The following WDFY4 variants were observed in gnomAD, a reference collection of about 807,000 sequenced individuals.
The protein encoded by WDFY4 is WDFY family member 4, also known as WD repeat- and FYVE domain-containing protein 4.
In WDFY4, 169 loss-of-function variants were observed where a neutral mutation model predicts 351.9. That is an observed-to-expected ratio of 0.48 (90% CI 0.42 to 0.55). WDFY4 has a LOEUF of 0.55. Among genes scored for constraint, WDFY4 ranks in the 20% least tolerant of loss-of-function variants. WDFY4 has a pLI of 0.00. For synonymous variants in WDFY4, 1,622 were observed against 1,574.6 expected, an observed-to-expected ratio of 1.03 and a Z score of -0.71; for missense variants, 3,803 against 3,935.6, an observed-to-expected ratio of 0.97 and a Z score of 0.90.
At chr10:48,950,046 C>T (rs1841245940) in intron 51 of WDFY4, among the ~76,000 whole-genome samples, 4 of 152,102 alleles carry the variant, frequency 2.6e-5, no homozygotes, top group Admixed American at 2.0e-4. Context: ...GGAAAATATG[C>T]ATAATAAGAA....
chr10:48,917,985 G>T (rs180800335), intron 47 of WDFY4, among the ~76,000 whole-genome samples: 125 of 152,238 alleles, frequency 8.2e-4, no homozygotes, highest in African/African-American at 2.9e-3. Context: ...TGGTGGTAAG[G>T]GTTTTACACT....
rs575893971 is a variant in WDFY4 at position 48,799,921 on chromosome 10, C to G, written c.4411-3365C>G. ...TTTTTTTTTGAGACAGAGTCTCACT[C>G]TGTTGCCAGACCGGAGTGCAGTGGC... On this transcript the variant is annotated intron_variant, in intron 24 of 61. Coordinates refer to ENST00000325239, the MANE Select transcript of WDFY4 (RefSeq NM_001394531.1). 1.1e-3 allele frequency among the ~76,000 whole-genome samples: 172 copies of G among 152,236 alleles called. 1 individual carries two copies. Among genetic ancestry groups the G allele is most frequent in the African/African-American group, 4.0e-3 (167 of 41,540 alleles).
rs902896450 is a variant in WDFY4 at position 48,790,893 on chromosome 10, G to C, written c.4233G>C (p.Leu1411=). The C allele has an allele frequency of 1.3e-6, 2 of 1,551,630 alleles. No homozygotes were observed. Among genetic ancestry groups the C allele is most frequent in the African/African-American group, 1.4e-5 (1 of 73,044 alleles). ...VLTSNAMCDF[L]MQHICGYQIM... ...CCAGTAATGCCATGTGTGACTTCCT[G>C]ATGCAACACATCTGTGGGTACCAGG... is the stretch of plus-strand genomic sequence containing the variant. The change falls in exon 23 of 62, where the codon CTG becomes CTC. Residue 1411 remains leucine, a synonymous_variant. Coordinates refer to ENST00000325239, the MANE Select transcript of WDFY4 (RefSeq NM_001394531.1).
chr10:48,702,785 A>G (rs908382450), intron 1 of WDFY4, among the ~76,000 whole-genome samples: 4 of 147,124 alleles, frequency 2.7e-5, no homozygotes, highest in Non-Finnish European at 4.6e-5. Context: ...GGTATGTTTA[A>G]CTTTCCCCGA....
At chr10:48,707,900 C>G (rs915136424) in intron 1 of WDFY4, among the ~76,000 whole-genome samples, 1 of 152,114 alleles carries the variant, frequency 6.6e-6, no homozygotes, top group Non-Finnish European at 1.5e-5. Context: ...GGGATGTGAG[C>G]AACTCCACAC....
intron 52 of WDFY4, 96 bp from the exon 53 acceptor site, chr10:48,959,626 C>A: frequency 1.7e-6 from 2 of 1,155,588 alleles, no homozygotes; most frequent in Non-Finnish European, 2.5e-6. Flanking sequence ...CAGACCTACA[C>A]AAAATCAGCA....
intron 1 of WDFY4, among the ~76,000 whole-genome samples, chr10:48,694,653 G>A (rs1416328269): frequency 5.3e-5 from 8 of 152,070 alleles, no homozygotes; most frequent in African/African-American, 1.2e-4. Context: ...CATGTCCATC[G>A]GCTTGCCACT....
rs1367688865 is a variant in WDFY4 at position 48,789,898 on chromosome 10, G to A, written c.3979G>A (p.Ala1327Thr). ...GATGAACATTTCATCCCGTGACAAT[G>A]CCATGCCCGTGTTCTTGCTGAGGAA... ...KEMNISSRDN[A>T]MPVFLLRNCA... The change falls in exon 22 of 62, where the codon GCC becomes ACC. Residue 1327 changes from alanine (A) to threonine (T), a missense_variant. Ala to Thr is a moderately conservative substitution (Grantham distance 58, BLOSUM62 0). Transcript: ENST00000325239. 1 of 1,552,284 alleles carries A rather than the reference G, an allele frequency of 6.4e-7. No individual in the cohort carries two copies. The highest frequency in any genetic ancestry group is 1.4e-5 in the African/African-American group (1 of 73,046).
At position 48,796,384 on chromosome 10, in the gene WDFY4, GC is replaced by G. The variant is rs1434926107; in HGVS notation, c.4345del (p.Leu1449TrpfsTer25). 6.7e-5 allele frequency: 104 copies of G among 1,552,134 alleles called. No homozygotes were observed. The highest frequency in any genetic ancestry group is 8.5e-5 in the Non-Finnish European group (98 of 1,147,144). On this transcript the variant is annotated frameshift_variant, in exon 24 of 62. Coordinates refer to ENST00000325239, the MANE Select transcript of WDFY4 (RefSeq NM_001394531.1). LOFTEE classifies it high-confidence loss of function. ...LILSVAGTVE[L>X]GFRSSAITNT... ...TCCTCTCAGTGGCTGGCACTGTGGA[GC>G]TGGGCTTCAGGTCATCTGCTATCAC...
At chr10:48,790,045 T>G in intron 22 of WDFY4, 60 bp downstream of exon 22, 1 of 1,497,682 alleles carries the variant, frequency 6.7e-7, no homozygotes, top group South Asian at 1.2e-5. Context: ...CTGTCATGGC[T>G]TGTGCACCCT....
chr10:48,959,090 C>T (rs780431800), intron 52 of WDFY4, among the ~76,000 whole-genome samples: 2 of 152,116 alleles, frequency 1.3e-5, no homozygotes, highest in Non-Finnish European at 2.9e-5. Flanking sequence ...TTAAATTTTA[C>T]AGGTGGAAAA....
chr10:48,922,185 G>A (rs550741884), intron 47 of WDFY4, among the ~76,000 whole-genome samples: 2 of 152,308 alleles, frequency 1.3e-5, no homozygotes, highest in Admixed American at 6.5e-5. Flanking sequence ...CCAGAAATAA[G>A]AAATTCATAC....
At chr10:48,787,300 G>T (rs1343865863) in intron 20 of WDFY4, among the ~76,000 whole-genome samples, 1 of 152,182 alleles carries the variant, frequency 6.6e-6, no homozygotes, top group Non-Finnish European at 1.5e-5. Flanking sequence ...AAGTCAAAGG[G>T]GTCAGCTCCC....
chr10:48,896,476 G>C (rs990125234), intron 44 of WDFY4, among the ~76,000 whole-genome samples: 1 of 152,172 alleles, frequency 6.6e-6, no homozygotes, highest in Non-Finnish European at 1.5e-5. Context: ...TCCCTGGTTT[G>C]ACACGAGACA....
chr10:48,790,935 C>T lies in WDFY4; in HGVS notation c.4257+18C>T, dbSNP rs975483882. 1 of 1,551,052 alleles carries T rather than the reference C, an allele frequency of 6.4e-7. No individual in the cohort carries two copies. The highest frequency in any genetic ancestry group is 2.0e-5 in the Admixed American group (1 of 50,978). On this transcript the variant is annotated intron_variant, in intron 23 of 61. Transcript: ENST00000325239. ...GGTACCAGGTAATCCCATCCTCCCA[C>T]CTGGAACTGAGACTCCTGAAAGGGC...
intron 20 of WDFY4, among the ~76,000 whole-genome samples, chr10:48,787,812 CT>C (rs1227042474): frequency 0.065 from 7,279 of 112,392 alleles, 799 homozygotes; most frequent in African/African-American, 0.08. Context: ...TCCTCCTCTT[CT>C]TCTTCTTCTT....
chr10:48,980,773 C>T (rs1031743635), intron 60 of WDFY4, among the ~76,000 whole-genome samples: 8 of 152,134 alleles, frequency 5.3e-5, no homozygotes, highest in African/African-American at 1.9e-4. Context: ...GAAGTGGCCT[C>T]GCAGGGACGT....
At chr10:48,829,834 A>G (rs1385862558) in intron 37 of WDFY4, among the ~76,000 whole-genome samples, 1 of 152,190 alleles carries the variant, frequency 6.6e-6, no homozygotes, top group Admixed American at 6.5e-5. Context: ...CCTAGGCAAC[A>G]AGAGTAAAAC....
At chr10:48,759,162 T>C (rs1191732044) in intron 12 of WDFY4, among the ~76,000 whole-genome samples, 1 of 152,188 alleles carries the variant, frequency 6.6e-6, no homozygotes, top group Non-Finnish European at 1.5e-5. Flanking sequence ...GCAGGGAGAT[T>C]TGATGTGCGC....
Sources: allele counts gnomAD v4.1 joint callset (sites outside exome capture counted in the v4.1 genomes callset), GRCh38; gene constraint gnomAD v4.1.1; transcripts MANE v1.5; gene names NCBI Gene and HGNC (gene_info 2026-07-23, HGNC 2026-07-21).